Variants in ZBTB16 observed in about 807,000 individuals in gnomAD.
ZBTB16 encodes zinc finger and BTB domain containing 16.
A neutral mutation model predicts 56.8 loss-of-function variants in ZBTB16; 8 were observed. That is an observed-to-expected ratio of 0.14 (90% confidence interval 0.08 to 0.25). ZBTB16 has a LOEUF of 0.25. Among genes scored for constraint, ZBTB16 ranks in the 10% least tolerant of loss-of-function variants. The pLI is 1.00. For synonymous variants in ZBTB16, 363 were observed against 368.5 expected (o/e 0.98, Z 0.17); for missense variants, 625 against 903.0 (o/e 0.69, Z 3.95).
intron 2 of ZBTB16, among the ~76,000 whole-genome samples, chr11:114,095,144 C>G (rs995157799): frequency 5.9e-5 from 9 of 151,918 alleles, no homozygotes; most frequent in Admixed American, 2.0e-4. Flanking sequence ...TGAAGATGCA[C>G]GTGCACGCGC....
At chr11:114,124,426 G>A (rs932753188) in intron 2 of ZBTB16, among the ~76,000 whole-genome samples, 7 of 151,176 alleles carry the variant, frequency 4.6e-5, no homozygotes, top group South Asian at 2.1e-4. Flanking sequence ...AACCTCTTTC[G>A]CCAACCCCCT....
Position 114,242,316 on chromosome 11 carries a change from C to T in ZBTB16, c.1603C>T (p.Arg535Cys). The change falls in exon 5 of 7, where the codon CGC becomes TGC. Residue 535 changes from arginine (R) to cysteine (C), a missense_variant. Physicochemically the swap from Arg to Cys is radical, Grantham distance 180. Around this residue, in one of 6 missense-constraint regions of ZBTB16, gnomAD observed 140 missense variants for 214.8 expected, o/e 0.65. Transcript: ENST00000335953. ...CTTCCCCAGCCACACGGCTCTCAAA[C>T]GCCACCTGCGCTCACATACAGGTAG... ...RTFPSHTALK[R>C]HLRSHTGDHP... 2.5e-6 allele frequency: 4 copies of T among 1,613,846 alleles called. No homozygotes were observed. The highest frequency in any genetic ancestry group is 3.4e-6 in the Non-Finnish European group (4 of 1,180,038).
In ZBTB16 at chr11:114,255,541, T is replaced by C; in HGVS notation, c.*4986T>C. 7.0e-6 allele frequency among the ~76,000 whole-genome samples: 1 copy of C among 143,440 alleles called. No individual in the cohort carries two copies. Among genetic ancestry groups the C allele is most frequent in the East Asian group, 2.3e-4 (1 of 4,406 alleles). The allele number at this position is 143,440 out of a possible 152,430, so 94.1% of individuals were successfully genotyped here. A position where few individuals can be genotyped will look rare whatever the true frequency, so the allele number is the denominator to read the frequency against. ...CCATTCTCTCTCCCTCTCTCCTGCC[T>C]CCTGCTGCCCCCTCCCCAGCCCACT... On this transcript the variant is annotated 3_prime_UTR_variant, in exon 7 of 7. Transcript: ENST00000335953.
At chr11:114,113,108 T>TG (rs1237130987) in intron 2 of ZBTB16, among the ~76,000 whole-genome samples, 2 of 152,212 alleles carry the variant, frequency 1.3e-5, no homozygotes, top group African/African-American at 4.8e-5. Context: ...AGGTACCTGC[T>TG]GCTTTCTGGC....
chr11:114,142,961 C>A (rs1037887030), intron 2 of ZBTB16, among the ~76,000 whole-genome samples: 1 of 152,094 alleles, frequency 6.6e-6, no homozygotes, highest in East Asian at 1.9e-4. Context: ...TTAAAACCAG[C>A]AATGTCAGGG....
chr11:114,106,873 T>C (rs1940809651), intron 2 of ZBTB16, among the ~76,000 whole-genome samples: 1 of 152,218 alleles, frequency 6.6e-6, no homozygotes. Flanking sequence ...TGGTCTTTCT[T>C]ATTTTGTAAT....
intron 2 of ZBTB16, among the ~76,000 whole-genome samples, chr11:114,124,570 A>ACCC (rs1247098921): frequency 6.1e-5 from 9 of 146,580 alleles, no homozygotes; most frequent in Admixed American, 3.4e-4. Context: ...AAAAAAAAAA[A>ACCC]AACAAAAACA....
chr11:114,240,360 G>C (rs529104350), intron 4 of ZBTB16, among the ~76,000 whole-genome samples: 2 of 152,210 alleles, frequency 1.3e-5, no homozygotes, highest in Admixed American at 1.3e-4. Context: ...GAGGTTCTTC[G>C]TGCCATCCCT....
At chr11:114,148,383 T>C (rs1230440991) in intron 2 of ZBTB16, among the ~76,000 whole-genome samples, 2 of 123,382 alleles carry the variant, frequency 1.6e-5, no homozygotes, top group African/African-American at 3.5e-5. Flanking sequence ...CTTCCTTCCT[T>C]CCTTCCTCCT....
At chr11:114,065,867 A>G (rs1939096257) in intron 2 of ZBTB16, among the ~76,000 whole-genome samples, 1 of 152,202 alleles carries the variant, frequency 6.6e-6, no homozygotes, top group Non-Finnish European at 1.5e-5. Flanking sequence ...TTAGACTTGA[A>G]GAGGATCATG....
intron 4 of ZBTB16, among the ~76,000 whole-genome samples, chr11:114,241,712 A>G (rs1045867797): frequency 1.3e-5 from 2 of 152,126 alleles, no homozygotes; most frequent in Non-Finnish European, 2.9e-5. Flanking sequence ...AACAGAGGCT[A>G]GCTTTTTGAG....
chr11:114,210,361 T>C (rs1943976568), intron 4 of ZBTB16, among the ~76,000 whole-genome samples: 1 of 152,168 alleles, frequency 6.6e-6, no homozygotes, highest in Admixed American at 6.5e-5. Context: ...TTGGTCTTAA[T>C]AATAAATAAC....
intron 4 of ZBTB16, among the ~76,000 whole-genome samples, chr11:114,217,726 C>A (rs760737081): frequency 5.3e-5 from 8 of 152,146 alleles, no homozygotes; most frequent in African/African-American, 1.9e-4. Flanking sequence ...GGACAGATGG[C>A]GGGGCATGAA....
intron 4 of ZBTB16, among the ~76,000 whole-genome samples, chr11:114,193,580 T>C (rs1214560461): frequency 6.6e-6 from 1 of 152,170 alleles, no homozygotes; most frequent in East Asian, 1.9e-4. Context: ...TTAGTTCCCC[T>C]AATAATCAAT....
At chr11:114,070,265 C>T (rs981567323) in intron 2 of ZBTB16, among the ~76,000 whole-genome samples, 20 of 151,314 alleles carry the variant, frequency 1.3e-4, no homozygotes, top group Non-Finnish European at 1.9e-4. Flanking sequence ...CCCGCCACCG[C>T]GCCCGGCTAA....
chr11:114,135,402 G>A (rs1941771816), intron 2 of ZBTB16, among the ~76,000 whole-genome samples: 1 of 152,202 alleles, frequency 6.6e-6, no homozygotes, highest in South Asian at 2.1e-4. Flanking sequence ...TACCAGCTGA[G>A]TTTAAGATAG....
chr11:114,190,822 G>A (rs532051475), intron 4 of ZBTB16, among the ~76,000 whole-genome samples: 2 of 151,872 alleles, frequency 1.3e-5, no homozygotes, highest in Non-Finnish European at 1.5e-5. Flanking sequence ...GTATTAAGCC[G>A]TTCTTGCATT....
At chr11:114,119,863 G>A (rs2137801293) in intron 2 of ZBTB16, among the ~76,000 whole-genome samples, 1 of 152,304 alleles carries the variant, frequency 6.6e-6, no homozygotes, top group Admixed American at 6.5e-5. Context: ...GTGGAGCGAG[G>A]ATCTTGACTA....
intron 2 of ZBTB16, among the ~76,000 whole-genome samples, chr11:114,144,142 A>G (rs1288037414): frequency 6.6e-6 from 1 of 151,912 alleles, no homozygotes; most frequent in Non-Finnish European, 1.5e-5. Context: ...ACAAACATGC[A>G]CACAATCCCC....
Sources: allele counts gnomAD v4.1 joint callset (sites outside exome capture counted in the v4.1 genomes callset), GRCh38; gene constraint gnomAD v4.1.1; regional missense constraint gnomAD v4.1.1; transcripts MANE v1.5; gene names NCBI Gene and HGNC (gene_info 2026-07-23, HGNC 2026-07-21).